NID2: variants seen among roughly 807,000 people sequenced by gnomAD.
The protein encoded by NID2 is nidogen 2, also known as nidogen-2.
A neutral mutation model predicts 145.4 loss-of-function variants in NID2; 83 were observed. That is an observed-to-expected ratio of 0.57 (90% CI 0.48 to 0.69). NID2 has a LOEUF of 0.69. Among genes scored for constraint, NID2 ranks in the 30% least tolerant of loss-of-function variants. The pLI is 0.00. For missense variants in NID2, 1,807 were observed against 1,765.7 expected, an observed-to-expected ratio of 1.02 and a Z score of -0.42; for synonymous variants, 739 against 701.3, an observed-to-expected ratio of 1.05 and a Z score of -0.85.
At chr14:52,057,569 G>C (rs1268239664) in intron 3 of NID2, among the ~76,000 whole-genome samples, 1 of 151,748 alleles carries the variant, frequency 6.6e-6, no homozygotes, top group Non-Finnish European at 1.5e-5. Context: ...CGGGTGTGGT[G>C]GTGGGCGCCT....
Position 52,020,076 on chromosome 14 carries a change from C to G in NID2, c.2777G>C (p.Gly926Ala). 1 of 1,614,030 alleles carries G rather than the reference C, an allele frequency of 6.2e-7. No individual in the cohort carries two copies. Among genetic ancestry groups the G allele is most frequent in the Non-Finnish European group, 8.5e-7 (1 of 1,179,906 alleles). ...CRCQPGYYGD[G>A]FQCIPDSTSS... ...AAACTTACCAGGTATGCACTGAAAT[C>G]CATCCCCATAATATCCGGGTTGACA... Residue 926 changes from glycine to alanine, a missense_variant, in exon 13 of 22, where the codon GGA becomes GCA. Gly to Ala is a moderately conservative substitution (Grantham distance 60). Transcript: ENST00000216286.
intron 18 of NID2, chr14:52,008,958 T>TA (rs1350154792): frequency 1.3e-5 from 2 of 152,222 alleles, no homozygotes; most frequent in African/African-American, 4.8e-5. Flanking sequence ...ATGGTCCTAT[T>TA]AAGTGGAAAT....
intron 9 of NID2, among the ~76,000 whole-genome samples, chr14:52,030,572 G>GAAA (rs1566755659): frequency 1.4e-5 from 1 of 73,486 alleles, no homozygotes; most frequent in Non-Finnish European, 2.7e-5. Flanking sequence ...AAGAAAGGAA[G>GAAA]GAAGGGAAAG....
In NID2 at chr14:52,005,685, T is replaced by A. The variant is rs189258040; in HGVS notation, c.4117+52A>T. On this transcript the variant is annotated intron_variant, in intron 21 of 21. Coordinates refer to ENST00000216286, the MANE Select transcript of NID2 (RefSeq NM_007361.4). ...CAGGGGTAATCAAATACCATATATA[T>A]CCCTTCTCTACCCTGCTAATTTAAA... 7.8e-5 allele frequency: 114 copies of A among 1,461,542 alleles called. No homozygotes were observed. The African/African-American group carries it at 1.3e-3, about 16-fold the overall frequency. 90.5% of individuals were successfully genotyped at this position (1,461,542 alleles called of 1,614,324 possible).
intron 11 of NID2, 117 bp downstream of exon 11, chr14:52,028,605 C>CT (rs1411112548): frequency 9.9e-6 from 12 of 1,206,202 alleles, no homozygotes; most frequent in Middle Eastern, 4.0e-4. Context: ...AAACTGTCTT[C>CT]TTAAGAAAAC....
At chr14:52,063,718 G>T (rs1339684246) in intron 2 of NID2, among the ~76,000 whole-genome samples, 1 of 152,180 alleles carries the variant, frequency 6.6e-6, no homozygotes, top group African/African-American at 2.4e-5. Flanking sequence ...ATGTCCTCTA[G>T]AGCTCTAGGA....
chr14:52,020,146 G>T lies in NID2; in HGVS notation c.2707C>A (p.Pro903Thr). 1.2e-6 allele frequency: 2 copies of T among 1,614,046 alleles called. No homozygotes were observed. ...GGAGTATTGTAGCAGGTAGCTGCAG[G>T]GTGACATCTGTTTTCTGAGCATTCA... is the stretch of plus-strand genomic sequence containing the variant. ...VDECSENRCH[P>T]AATCYNTPGS... Residue 903 changes from proline (P) to threonine (T), a missense_variant, in exon 13 of 22, where the codon CCT (proline) becomes ACT (threonine). Coordinates refer to ENST00000216286, the MANE Select transcript of NID2 (RefSeq NM_007361.4).
chr14:52,064,411 G>C (rs181082082), intron 2 of NID2, among the ~76,000 whole-genome samples: 1 of 152,284 alleles, frequency 6.6e-6, no homozygotes, highest in Admixed American at 6.5e-5. Flanking sequence ...GGGTACTTAC[G>C]GTATCACATG....
At chr14:52,028,441 A>G (rs1277905990) in intron 11 of NID2, among the ~76,000 whole-genome samples, 1 of 151,956 alleles carries the variant, frequency 6.6e-6, no homozygotes, top group Non-Finnish European at 1.5e-5. Flanking sequence ...CACCTGGCTA[A>G]TGTTTTGTAT....
rs1459109374 is a variant in NID2, at chr14:52,020,141, T to G, written c.2712A>C (p.Ala904=). Residue 904 remains alanine, a synonymous_variant, in exon 13 of 22, where the codon GCA becomes GCC. Coordinates refer to ENST00000216286, the MANE Select transcript of NID2 (RefSeq NM_007361.4). ...DECSENRCHP[A]ATCYNTPGSF... is the part of the protein sequence containing the mutation. ...AACCAGGAGTATTGTAGCAGGTAGC[T>G]GCAGGGTGACATCTGTTTTCTGAGC... 6.2e-7 allele frequency: 1 copy of G among 1,614,086 alleles called. No homozygotes were observed. The highest frequency in any genetic ancestry group is 1.7e-5 in the Admixed American group (1 of 60,026).
chr14:52,040,773 C>A lies in NID2; in HGVS notation c.1904G>T (p.Gly635Val), dbSNP rs117965887. 4,228 of 1,614,162 alleles carry A rather than the reference C, an allele frequency of 2.6e-3. 12 individuals are homozygous for A. Among genetic ancestry groups the A allele is most frequent in the Non-Finnish European group, 3.3e-3 (3,926 of 1,180,024 alleles). Residue 635 changes from glycine (G) to valine (V), a missense_variant, in exon 8 of 22, where the codon GGA (glycine) becomes GTA (valine). Coordinates refer to ENST00000216286, the MANE Select transcript of NID2 (RefSeq NM_007361.4). Reference sequence around the variant, plus strand: ...GCTCAGGTAGTTCTCTGGGTCAAGTCCCTCAGCAGTTTGAGTGATACGAAC... The same window carrying A: ...GCTCAGGTAGTTCTCTGGGTCAAGTACCTCAGCAGTTTGAGTGATACGAAC... Reference protein sequence around the residue: ...ETVRITQTAEGLDPENYLSIK... With the variant: ...ETVRITQTAEVLDPENYLSIK...
chr14:52,050,419 C>T (rs1892645238), intron 5 of NID2, among the ~76,000 whole-genome samples: 1 of 152,198 alleles, frequency 6.6e-6, no homozygotes, highest in Non-Finnish European at 1.5e-5. Context: ...TCAAGCCCCT[C>T]CTTCCTCACA....
At chr14:52,024,828 C>T (rs1047062201) in intron 12 of NID2, among the ~76,000 whole-genome samples, 1 of 152,036 alleles carries the variant, frequency 6.6e-6, no homozygotes, top group Non-Finnish European at 1.5e-5. Context: ...GAAAAGTAGT[C>T]AATTTCAGAG....
chr14:52,017,441 G>A (rs1164536869), intron 14 of NID2, among the ~76,000 whole-genome samples: 7 of 152,208 alleles, frequency 4.6e-5, no homozygotes, highest in South Asian at 2.1e-4. Context: ...AACCAGCGCC[G>A]AGAGAGTGTG....
At chr14:52,068,709 T>G in intron 1 of NID2, 58 bp downstream of exon 1, 17 of 1,478,660 alleles carry the variant, frequency 1.1e-5, no homozygotes, top group Non-Finnish European at 1.6e-5. Flanking sequence ...AGGGTTTCCG[T>G]GAGACCGACC....
In NID2 at chr14:52,011,666, T is replaced by A. The variant is rs746326781; in HGVS notation, c.3438A>T (p.Gly1146=). 1 of 1,614,198 alleles carries A rather than the reference T, an allele frequency of 6.2e-7. No homozygotes were observed. Residue 1146 remains glycine, a synonymous_variant, in exon 17 of 22, where the codon GGA becomes GGT. Coordinates refer to ENST00000216286, the MANE Select transcript of NID2 (RefSeq NM_007361.4). ...LLSLHGSIIV[G]IDYDCRERMV... ...TCCTCTCCCGGCAGTCGTAATCAAT[T>A]CCCACGATTATGGAGCCCTTTGTGC...
rs770614321 is a variant in NID2, at chr14:52,028,723, G to A, written c.2529C>T (p.Ile843=). Residue 843 remains isoleucine (I), a splice_region_variant and synonymous_variant, in exon 11 of 22, where the codon ATC becomes ATT. Transcript: ENST00000216286. The part of the protein sequence containing the change: ...YEFADDRHTC[I]LITPPANPCE... ...CAGGAAAATGATTTTGGAACTCACA[G>A]ATGCAAGTATGCCGGTCATCTGCAA... 3 of 1,610,124 alleles carry A rather than the reference G, an allele frequency of 1.9e-6. No homozygotes were observed. The highest frequency in any genetic ancestry group is 1.7e-6 in the Non-Finnish European group (2 of 1,178,862).
At chr14:52,067,837 C>A (rs2140441243) in intron 2 of NID2, 21 bp downstream of exon 2, 1 of 1,610,678 alleles carries the variant, frequency 6.2e-7, no homozygotes, top group Non-Finnish European at 8.5e-7. Flanking sequence ...CCTCAGCAGT[C>A]AAATATCCCT....
chr14:52,027,612 A>G (rs893556787), intron 11 of NID2, among the ~76,000 whole-genome samples: 1 of 146,942 alleles, frequency 6.8e-6, no homozygotes, highest in African/African-American at 2.5e-5. Context: ...ATTAAAGTTT[A>G]TAACACTCCA....
Sources: gnomAD v4.1 joint callset for allele counts (sites outside exome capture counted in the v4.1 genomes callset) on GRCh38, gnomAD v4.1.1 for gene constraint, MANE v1.5 for transcripts, NCBI Gene and HGNC (gene_info 2026-07-23, HGNC 2026-07-21) for gene names.